Variants in TFAP2B observed in about 807,000 individuals in gnomAD.
TFAP2B encodes transcription factor AP-2 beta, also known as transcription factor AP-2-beta.
In TFAP2B, 9 loss-of-function variants were observed where a neutral mutation model predicts 44.3. That is an observed-to-expected ratio of 0.20 (90% CI 0.12 to 0.35). The LOEUF is 0.35. Among genes scored for constraint, TFAP2B ranks in the 10% least tolerant of loss-of-function variants. The probability of loss-of-function intolerance (pLI) is 1.00; values close to 1 mark genes in which losing one functional copy is unlikely to be tolerated. For missense variants in TFAP2B, 509 were observed against 600.0 expected, an observed-to-expected ratio of 0.85 and a Z score of 1.59; for synonymous variants, 270 against 263.8, an observed-to-expected ratio of 1.02 and a Z score of -0.23.
chr6:50,837,240 G>A (rs1356314769), intron 4 of TFAP2B, among the ~76,000 whole-genome samples: 2 of 152,116 alleles, frequency 1.3e-5, no homozygotes, highest in Non-Finnish European at 2.9e-5. Flanking sequence ...AGAAATTAAG[G>A]GTGTGACCCA....
chr6:50,833,861 C>T (rs1011045696), intron 3 of TFAP2B, among the ~76,000 whole-genome samples: 1 of 152,092 alleles, frequency 6.6e-6, no homozygotes, highest in African/African-American at 2.4e-5. Context: ...TTAGTACTTT[C>T]AGCTTAGTGG....
intron 1 of TFAP2B, chr6:50,821,638 C>G (rs918959809): frequency 6.4e-6 from 1 of 155,906 alleles, no homozygotes; most frequent in African/African-American, 2.4e-5. Flanking sequence ...TTGCCAGCCC[C>G]CTCGTCTGAT....
At chr6:50,830,841 A>G (rs1415058365) in intron 3 of TFAP2B, among the ~76,000 whole-genome samples, 3 of 152,176 alleles carry the variant, frequency 2.0e-5, no homozygotes, top group Non-Finnish European at 4.4e-5. Context: ...AGATGTTTCC[A>G]AGAGATGAAT....
chr6:50,823,681 G>A lies in TFAP2B; in HGVS notation c.356G>A (p.Gly119Asp). The A allele has an allele frequency of 6.2e-7, 1 of 1,613,726 alleles. No homozygotes were observed. The highest frequency in any genetic ancestry group is 8.5e-7 in the Non-Finnish European group (1 of 1,179,850). Residue 119 changes from glycine (G) to aspartate (D), a missense_variant, in exon 2 of 7, where the codon GGC becomes GAC. By Grantham distance (94) the Gly-to-Asp change is moderately conservative (BLOSUM62 -1). This residue lies in a region of TFAP2B where 296 missense variants were observed against 308.2 expected (regional missense o/e 0.96). Transcript: ENST00000393655. ...RQRQEVGSEA[G>D]SLLPQPRAAL... is the part of the protein sequence containing the mutation. ...CGGCAAGAAGTGGGTTCGGAAGCCG[G>A]CTCTCTCCTGCCCCAGCCTCGGGCC...
intron 1 of TFAP2B, among the ~76,000 whole-genome samples, chr6:50,820,743 G>A (rs1770319939): frequency 6.6e-6 from 1 of 152,250 alleles, no homozygotes; most frequent in Non-Finnish European, 1.5e-5. Context: ...GGGCCATGGT[G>A]AAAACAGCTC....
chr6:50,820,086 C>T (rs990448036), intron 1 of TFAP2B, among the ~76,000 whole-genome samples: 5 of 152,056 alleles, frequency 3.3e-5, no homozygotes, highest in Non-Finnish European at 7.4e-5. Flanking sequence ...GAAGTCGAGG[C>T]GGGCGAAGCG....
At position 50,845,567 on chromosome 6, in the gene TFAP2B, G is replaced by A. The variant is rs918501477; in HGVS notation, c.*2175G>A. 3 of 152,772 alleles carry A rather than the reference G, an allele frequency of 2.0e-5. No individual in the cohort carries two copies. The highest frequency in any genetic ancestry group is 7.2e-5 in the African/African-American group (3 of 41,476). 9.5% of individuals were successfully genotyped at this position (152,772 alleles called of 1,614,324 possible). ...GGCCAAGAGCTAGACGTTACGGAGA[G>A]TGTAGTCACTCTCTTTTCCCAGCTC... On this transcript the variant is annotated 3_prime_UTR_variant, in exon 7 of 7. Transcript: ENST00000393655.
In TFAP2B at chr6:50,838,226, G is replaced by A. The variant is rs544653208; in HGVS notation, c.940+133G>A. ...GCTCTTATGAGCTGGATGTCAAGCG[G>A]CTTCTTGAGAGAGGTTCAAAGGTCC... On this transcript the variant is annotated intron_variant, in intron 5 of 6. Transcript: ENST00000393655. 1,222 of 849,044 alleles carry A rather than the reference G, an allele frequency of 1.4e-3. 16 individuals are homozygous for A. The highest frequency in any genetic ancestry group is 2.2e-3 in the East Asian group (89 of 40,186). 52.6% of individuals were successfully genotyped at this position (849,044 alleles called of 1,614,324 possible).
chr6:50,831,285 C>T (rs1195811953), intron 3 of TFAP2B, among the ~76,000 whole-genome samples: 2 of 152,118 alleles, frequency 1.3e-5, no homozygotes, highest in Non-Finnish European at 2.9e-5. Context: ...AGGTAGCCAG[C>T]GTGATAAATG....
At chr6:50,842,906 G>T (rs573484467) in intron 6 of TFAP2B, among the ~76,000 whole-genome samples, 186 bp from the exon 7 acceptor site, 1 of 152,270 alleles carries the variant, frequency 6.6e-6, no homozygotes, top group South Asian at 2.1e-4. Context: ...CCCCACCCCC[G>T]CTTTCCTTTC....
rs35649205 is a variant in TFAP2B at position 50,844,302 on chromosome 6, AAC to A, written c.*924_*925del. The A allele has an allele frequency of 0.31, 45,350 of 147,544 alleles. 7,474 individuals carry two copies. Among genetic ancestry groups the A allele is most frequent in the East Asian group, 0.49 (2,481 of 5,048 alleles). 9.1% of individuals were successfully genotyped at this position (147,544 alleles called of 1,614,324 possible). ...TTATGAACTATAGTAAAAAAAAAAAAACACACACACACACAATATGAATACGT... is the reference window on the plus strand; with the variant it reads ...TTATGAACTATAGTAAAAAAAAAAAAACACACACACACAATATGAATACGT... On this transcript the variant is annotated 3_prime_UTR_variant, in exon 7 of 7. Transcript: ENST00000393655.
chr6:50,824,237 C>G (rs1770442064), intron 2 of TFAP2B, among the ~76,000 whole-genome samples: 1 of 152,236 alleles, frequency 6.6e-6, no homozygotes, highest in Non-Finnish European at 1.5e-5. Flanking sequence ...CCCTTCTTTA[C>G]CAACACACAC....
intron 5 of TFAP2B, among the ~76,000 whole-genome samples, chr6:50,838,700 G>A (rs572635479): frequency 5.3e-5 from 8 of 152,112 alleles, no homozygotes; most frequent in African/African-American, 1.9e-4. Context: ...GGTGATAATT[G>A]CAATAAGCAC....
Position 50,823,877 on chromosome 6 carries a change from C to CAAAA in TFAP2B, c.540+15_540+16insAAAA. 1 of 1,519,102 alleles carries CAAAA rather than the reference C, an allele frequency of 6.6e-7. No individual in the cohort carries two copies. The highest frequency in any genetic ancestry group is 8.8e-7 in the Non-Finnish European group (1 of 1,134,634). 94.1% of individuals were successfully genotyped at this position (1,519,102 alleles called of 1,614,324 possible). On this transcript the variant is annotated intron_variant, in intron 2 of 6. Coordinates refer to ENST00000393655, the MANE Select transcript of TFAP2B (RefSeq NM_003221.4). The stretch of plus-strand genomic sequence containing the variant: ...TGGAAGACGTCCAGGTAACCACAAA[C>CAAAA]AAACAAACAAACAAACAAAAAAGAC...
At chr6:50,826,566 AGC>A (rs547861744) in intron 2 of TFAP2B, among the ~76,000 whole-genome samples, 18 of 143,962 alleles carry the variant, frequency 1.3e-4, no homozygotes, top group East Asian at 6.3e-4. Flanking sequence ...ATTGTGCATG[AGC>A]GCGCGCGCGC....
At chr6:50,818,666 A>G, upstream of TFAP2B, 2 of 545,380 alleles carry the variant, frequency 3.7e-6, no homozygotes, top group South Asian at 4.6e-5. Flanking sequence ...CGGGTTTATG[A>G]TTTTTATAGT....
At chr6:50,840,522 CA>C (rs1762705516) in intron 6 of TFAP2B, among the ~76,000 whole-genome samples, 1 of 152,212 alleles carries the variant, frequency 6.6e-6, no homozygotes, top group Non-Finnish European at 1.5e-5. Context: ...AGCCTTCTTA[CA>C]ATTCTCTTCT....
rs1476847400 is a variant in TFAP2B at position 50,846,846 on chromosome 6, C to A, written c.*3454C>A. The A allele has an allele frequency of 6.5e-6, 1 of 152,796 alleles. No individual in the cohort carries two copies. Among genetic ancestry groups the A allele is most frequent in the African/African-American group, 2.4e-5 (1 of 41,556 alleles). The allele number at this position is 152,796 out of a possible 1,614,324, so 9.5% of individuals were successfully genotyped here. ...TTCCTTCTGGCCTCCACACCCATAGCTTTCCTCCATCCCCACTTAAAGAAC... is the reference window on the plus strand; with the variant it reads ...TTCCTTCTGGCCTCCACACCCATAGATTTCCTCCATCCCCACTTAAAGAAC... On this transcript the variant is annotated 3_prime_UTR_variant, in exon 7 of 7. Coordinates refer to ENST00000393655, the MANE Select transcript of TFAP2B (RefSeq NM_003221.4).
In TFAP2B at chr6:50,828,910, C is replaced by T. The variant is rs571212527; in HGVS notation, c.601+231C>T. 2.0e-5 allele frequency among the ~76,000 whole-genome samples: 3 copies of T among 152,260 alleles called. No individual in the cohort carries two copies. In the South Asian group the frequency reaches 6.2e-4, roughly 32 times the overall value. On this transcript the variant is annotated intron_variant, in intron 3 of 6. Transcript: ENST00000393655. ...TTCAGATGAGTGAGACAGACTGTTGCAATTTTTCTCATGGCATATTTGGTA... is the reference window on the plus strand; with the variant it reads ...TTCAGATGAGTGAGACAGACTGTTGTAATTTTTCTCATGGCATATTTGGTA...
Sources: gnomAD v4.1 joint callset for allele counts (sites outside exome capture counted in the v4.1 genomes callset) on GRCh38, gnomAD v4.1.1 for gene constraint, gnomAD v4.1.1 regional missense constraint, MANE v1.5 for transcripts, NCBI Gene and HGNC (gene_info 2026-07-23, HGNC 2026-07-21) for gene names.